Variants in PDE8B observed in about 807,000 individuals in gnomAD.
The protein encoded by PDE8B is high affinity cAMP-specific and IBMX-insensitive 3',5'-cyclic phosphodiesterase 8B.
PDE8B carries 26 observed loss-of-function variants against 101.3 expected under a neutral mutation model. The observed-to-expected ratio is 0.26, with a 90% CI of 0.19 to 0.36. The LOEUF (loss-of-function observed/expected upper bound fraction) is 0.36, where lower values mean the gene tolerates loss of function less well. PDE8B is among the 10% of genes least tolerant of loss of function. PDE8B has a pLI of 1.00. For missense variants in PDE8B, 810 were observed against 1,163.1 expected, an observed-to-expected ratio of 0.70 and a Z score of 4.42; for synonymous variants, 424 against 429.3, an observed-to-expected ratio of 0.99 and a Z score of 0.15.
At chr5:77,290,093 G>A (rs1250584434) in intron 1 of PDE8B, among the ~76,000 whole-genome samples, 1 of 152,126 alleles carries the variant, frequency 6.6e-6, no homozygotes, top group Non-Finnish European at 1.5e-5. Flanking sequence ...TACAGATTTG[G>A]CATCTGTCCT....
At chr5:77,240,229 C>A (rs1755481727) in intron 1 of PDE8B, among the ~76,000 whole-genome samples, 1 of 152,182 alleles carries the variant, frequency 6.6e-6, no homozygotes, top group Non-Finnish European at 1.5e-5. Context: ...TCCCGGCTCA[C>A]TGCAAGCTCC....
intron 10 of PDE8B, among the ~76,000 whole-genome samples, chr5:77,394,360 C>T (rs1232191325): frequency 1.3e-5 from 2 of 152,138 alleles, no homozygotes; most frequent in Non-Finnish European, 1.5e-5. Context: ...GTATCTCCTC[C>T]TCGCACTCTT....
intron 6 of PDE8B, among the ~76,000 whole-genome samples, chr5:77,340,577 A>C (rs1581134863): frequency 1.4e-5 from 2 of 148,076 alleles, no homozygotes; most frequent in African/African-American, 2.5e-5. Flanking sequence ...GCCCAGTCCT[A>C]CCCTTGTTCC....
At chr5:77,260,157 C>CAAAAAAAAAAAAAAA (rs66923234) in intron 1 of PDE8B, among the ~76,000 whole-genome samples, 3 of 100,976 alleles carry the variant, frequency 3.0e-5, no homozygotes, top group Non-Finnish European at 4.0e-5. Context: ...AACTCCATCA[C>CAAAAAAAAAAAAAAA]AAAAAAAAAA....
intron 10 of PDE8B, among the ~76,000 whole-genome samples, chr5:77,381,904 T>C (rs964069186): frequency 6.6e-5 from 10 of 152,230 alleles, no homozygotes; most frequent in African/African-American, 2.2e-4. Context: ...TCCCTAGTTA[T>C]GGTTTGAAGC....
At chr5:77,334,310 CACA>C (rs373119301) in intron 5 of PDE8B, among the ~76,000 whole-genome samples, 22 of 152,298 alleles carry the variant, frequency 1.4e-4, no homozygotes, top group African/African-American at 3.6e-4. Flanking sequence ...TCACATATCC[CACA>C]ACAACTCCCC....
chr5:77,353,724 G>A (rs1781572906), intron 10 of PDE8B, among the ~76,000 whole-genome samples: 1 of 151,992 alleles, frequency 6.6e-6, no homozygotes, highest in African/African-American at 2.4e-5. Flanking sequence ...TTAATCAGTT[G>A]GAAAGTATAT....
chr5:77,091,784 A>T, the PDE8B span, among the ~76,000 whole-genome samples: 1 of 152,234 alleles, frequency 6.6e-6, no homozygotes, highest in Non-Finnish European at 1.5e-5. Context: ...TTTTAAGAAG[A>T]AGCTTTATTG....
the PDE8B span, among the ~76,000 whole-genome samples, chr5:77,122,857 T>G: frequency 2.0e-5 from 3 of 152,112 alleles, no homozygotes; most frequent in Admixed American, 2.0e-4. Flanking sequence ...AGACATTGGG[T>G]AAGAGTCCAA....
the PDE8B span, chr5:77,118,672 G>A: frequency 3.3e-6 from 1 of 305,554 alleles, no homozygotes. Flanking sequence ...TCTTTTTCAT[G>A]GGAAAGGATA....
the PDE8B span, among the ~76,000 whole-genome samples, chr5:77,163,656 T>C: frequency 6.6e-6 from 1 of 152,238 alleles, no homozygotes; most frequent in African/African-American, 2.4e-5. Context: ...GCCCAAGGAC[T>C]GGGTCGGCAG....
intron 1 of PDE8B, 75 bp from the exon 2 acceptor site, chr5:77,311,919 G>A (rs1772722294): frequency 8.7e-7 from 1 of 1,155,898 alleles, no homozygotes; most frequent in African/African-American, 1.5e-5. Flanking sequence ...ATAATGCAAT[G>A]CGTTGCGTAA....
chr5:77,109,738 A>G, the PDE8B span, among the ~76,000 whole-genome samples: 2 of 152,158 alleles, frequency 1.3e-5, no homozygotes, highest in African/African-American at 4.8e-5. Context: ...TTCCAGAGCT[A>G]GTGAATCTAA....
intron 18 of PDE8B, 100 bp from the exon 19 acceptor site, chr5:77,419,667 G>C: frequency 1.4e-6 from 2 of 1,383,366 alleles, no homozygotes; most frequent in East Asian, 2.3e-5. Context: ...CTGTGCCCCA[G>C]CTTCCTCCTA....
intron 1 of PDE8B, among the ~76,000 whole-genome samples, chr5:77,268,724 T>C (rs990327892): frequency 6.6e-6 from 1 of 151,906 alleles, no homozygotes; most frequent in African/African-American, 2.4e-5. Flanking sequence ...AGTACTTCAT[T>C]ATGTACTTCA....
the PDE8B span, among the ~76,000 whole-genome samples, chr5:77,108,419 C>T: frequency 2.4e-4 from 37 of 152,164 alleles, no homozygotes; most frequent in Admixed American, 5.9e-4. Context: ...GCACATGGCT[C>T]ATGCCCTTAA....
intron 11 of PDE8B, among the ~76,000 whole-genome samples, chr5:77,403,816 T>C (rs1389917526): frequency 1.3e-5 from 2 of 149,752 alleles, no homozygotes; most frequent in East Asian, 4.1e-4. Flanking sequence ...GTTTATTTTC[T>C]TAAATTCTTT....
In PDE8B at chr5:77,272,912, T is replaced by C. The variant is rs115470232; in HGVS notation, c.340-39082T>C. On this transcript the variant is annotated intron_variant, in intron 1 of 21. Coordinates refer to ENST00000264917, the MANE Select transcript of PDE8B (RefSeq NM_003719.5). The stretch of plus-strand genomic sequence containing the variant: ...TTTTTTAATGTATTTTTATTGTGTA[T>C]ATTTAAGGAGAGAAAGTGATGTTTT... Among the ~76,000 whole-genome samples the C allele has an allele frequency of 4.2e-3, 645 of 152,232 alleles. 4 individuals carry two copies. The highest frequency in any genetic ancestry group is 0.014 in the African/African-American group (597 of 41,552).
the PDE8B span, among the ~76,000 whole-genome samples, chr5:77,123,619 T>G: frequency 2.0e-5 from 3 of 151,926 alleles, no homozygotes; most frequent in African/African-American, 7.3e-5. Flanking sequence ...ATTAGCTGGG[T>G]GTGGTGGTGC....
Sources: gnomAD v4.1 joint callset for allele counts (sites outside exome capture counted in the v4.1 genomes callset) on GRCh38, gnomAD v4.1.1 for gene constraint, MANE v1.5 for transcripts, NCBI Gene and HGNC (gene_info 2026-07-23, HGNC 2026-07-21) for gene names.